EPHA5: variants seen among roughly 807,000 people sequenced by gnomAD.
EPHA5 encodes the protein EPH receptor A5.
In EPHA5, 60 loss-of-function variants were observed where a neutral mutation model predicts 105.0. The ratio of observed to expected loss-of-function variants is 0.57; its 90% confidence interval spans 0.46 to 0.71. The LOEUF is 0.71. Among genes scored for constraint, EPHA5 ranks in the 30% least tolerant of loss-of-function variants. EPHA5 has a pLI of 0.00. For missense variants in EPHA5, 1,218 were observed against 1,274.7 expected (o/e 0.96, Z 0.68); for synonymous variants, 513 against 449.1 (o/e 1.14, Z -1.80).
At position 65,348,082 on chromosome 4, in the gene EPHA5, C is replaced by G. The variant is rs745908821; in HGVS notation, c.2567G>C (p.Arg856Thr). ...TTGATTGGTCATCTCCCAGTAGGGTCTCTCTCCATAAGACACAACTTCCCA... is the reference window on the plus strand; with the variant it reads ...TTGATTGGTCATCTCCCAGTAGGGTGTCTCTCCATAAGACACAACTTCCCA... Reference protein sequence around the residue: ...VMWEVVSYGERPYWEMTNQDV... With the variant: ...VMWEVVSYGETPYWEMTNQDV... The change falls in exon 14 of 17, where the codon AGA (arginine) becomes ACA (threonine). Residue 856 changes from arginine (R) to threonine (T), a missense_variant. Coordinates refer to ENST00000613740, the MANE Select transcript of EPHA5 (RefSeq NM_001281766.3). The G allele has an allele frequency of 1.2e-6, 2 of 1,608,952 alleles. No individual in the cohort carries two copies. Among genetic ancestry groups the G allele is most frequent in the Non-Finnish European group, 1.7e-6 (2 of 1,177,676 alleles).
intron 11 of EPHA5, among the ~76,000 whole-genome samples, chr4:65,356,186 C>A (rs1723280337): frequency 6.6e-6 from 1 of 151,466 alleles, no homozygotes; most frequent in African/African-American, 2.4e-5. Context: ...TCCTGCATTT[C>A]TACTTACAGC....
At chr4:65,598,316 C>A (rs927095319) in intron 3 of EPHA5, among the ~76,000 whole-genome samples, 2 of 152,012 alleles carry the variant, frequency 1.3e-5, no homozygotes, top group African/African-American at 4.8e-5. Flanking sequence ...AAAGACATAT[C>A]CATCAATTTT....
At chr4:65,648,440 C>T (rs1473109166) in intron 1 of EPHA5, among the ~76,000 whole-genome samples, 1 of 152,160 alleles carries the variant, frequency 6.6e-6, no homozygotes, top group African/African-American at 2.4e-5. Flanking sequence ...GTGATCCCAC[C>T]ATATACCATC....
At chr4:65,345,911 T>C (rs1722174296) in intron 14 of EPHA5, among the ~76,000 whole-genome samples, 3 of 152,072 alleles carry the variant, frequency 2.0e-5, no homozygotes, top group Admixed American at 1.3e-4. Context: ...TAGCTGGGAC[T>C]ACAGGCGCCC....
intron 3 of EPHA5, among the ~76,000 whole-genome samples, chr4:65,518,463 TA>T (rs1360942515): frequency 6.6e-6 from 1 of 151,778 alleles, no homozygotes; most frequent in Non-Finnish European, 1.5e-5. Context: ...TATATTTCCA[TA>T]TTCCTGTTTC....
intron 14 of EPHA5, among the ~76,000 whole-genome samples, chr4:65,342,924 A>G (rs1721871713): frequency 6.6e-6 from 1 of 152,036 alleles, no homozygotes; most frequent in Non-Finnish European, 1.5e-5. Context: ...AAGTAGTAAT[A>G]AAACGACTGG....
At chr4:65,468,741 A>G (rs1003203786) in intron 5 of EPHA5, among the ~76,000 whole-genome samples, 3 of 148,400 alleles carry the variant, frequency 2.0e-5, no homozygotes, top group Non-Finnish European at 3.0e-5. Flanking sequence ...AGCAAAGGTT[A>G]TGATTCATGA....
At chr4:65,614,586 C>T (rs1441908100) in intron 2 of EPHA5, among the ~76,000 whole-genome samples, 4 of 151,796 alleles carry the variant, frequency 2.6e-5, no homozygotes, top group South Asian at 2.1e-4. Flanking sequence ...CTGGATATCA[C>T]AAGCTCTTAA....
intron 2 of EPHA5, among the ~76,000 whole-genome samples, chr4:65,635,828 A>T (rs1418980648): frequency 6.6e-6 from 1 of 152,202 alleles, no homozygotes; most frequent in African/African-American, 2.4e-5. Flanking sequence ...AGGAAGCAAA[A>T]ACAAAATACA....
At chr4:65,407,325 CAG>C (rs1722458659) in intron 7 of EPHA5, among the ~76,000 whole-genome samples, 1 of 152,022 alleles carries the variant, frequency 6.6e-6, no homozygotes. Flanking sequence ...AGGGTAAAAA[CAG>C]AGTAACTTCA....
chr4:65,465,152 G>C (rs1307824160), intron 5 of EPHA5, among the ~76,000 whole-genome samples: 1 of 151,964 alleles, frequency 6.6e-6, no homozygotes, highest in African/African-American at 2.4e-5. Context: ...AATTGAGTAA[G>C]AGAAGCCAGG....
At chr4:65,401,458 A>G (rs1399135564) in intron 8 of EPHA5, among the ~76,000 whole-genome samples, 1 of 152,126 alleles carries the variant, frequency 6.6e-6, no homozygotes, top group Admixed American at 6.6e-5. Flanking sequence ...ATGGCCAAAG[A>G]TGTTTCTATC....
intron 3 of EPHA5, among the ~76,000 whole-genome samples, chr4:65,580,712 A>G (rs2149396674): frequency 6.6e-6 from 1 of 151,982 alleles, no homozygotes; most frequent in East Asian, 1.9e-4. Context: ...CTCAAAGAGG[A>G]CAAAAGTTGA....
At chr4:65,580,046 C>G (rs1186134003) in intron 3 of EPHA5, among the ~76,000 whole-genome samples, 2 of 151,740 alleles carry the variant, frequency 1.3e-5, no homozygotes, top group Non-Finnish European at 2.9e-5. Flanking sequence ...GCTGAGCCTG[C>G]TAATAATCCA....
At chr4:65,402,402 G>T (rs1721930992) in intron 8 of EPHA5, among the ~76,000 whole-genome samples, 1 of 152,138 alleles carries the variant, frequency 6.6e-6, no homozygotes, top group Admixed American at 6.6e-5. Flanking sequence ...TAGATTGAAA[G>T]TTCTTTCAAA....
At position 65,323,972 on chromosome 4, in the gene EPHA5, C is replaced by T; in HGVS notation, c.*142G>A. On this transcript the variant is annotated 3_prime_UTR_variant, in exon 17 of 17. Coordinates refer to ENST00000613740, the MANE Select transcript of EPHA5 (RefSeq NM_001281766.3). ...GGATACTTCAGTAAAACCATGATTA[C>T]AAATTCTGTGGCTGAGGCAAATGTT... 1.7e-6 allele frequency: 1 copy of T among 574,666 alleles called. No homozygotes were observed. The highest frequency in any genetic ancestry group is 2.2e-5 in the South Asian group (1 of 45,236). The allele number at this position is 574,666 out of a possible 1,614,324, so 35.6% of individuals were successfully genotyped here.
intron 5 of EPHA5, among the ~76,000 whole-genome samples, chr4:65,443,436 G>A (rs1405934762): frequency 6.6e-6 from 1 of 151,694 alleles, no homozygotes. Context: ...TACCGAATTA[G>A]ATGGAAAGGA....
intron 5 of EPHA5, among the ~76,000 whole-genome samples, chr4:65,425,287 A>T (rs1213819878): frequency 6.6e-6 from 1 of 152,100 alleles, no homozygotes; most frequent in Non-Finnish European, 1.5e-5. Context: ...ATTTGATTCT[A>T]TAGGTTAAAA....
chr4:65,541,836 C>A (rs56296350), intron 3 of EPHA5, among the ~76,000 whole-genome samples: 1 of 151,584 alleles, frequency 6.6e-6, no homozygotes, highest in African/African-American at 2.4e-5. Flanking sequence ...TTGACATTAT[C>A]GGAAGTAAAA....
Sources: gnomAD v4.1 joint callset for allele counts (sites outside exome capture counted in the v4.1 genomes callset) on GRCh38, gnomAD v4.1.1 for gene constraint, MANE v1.5 for transcripts, NCBI Gene and HGNC (gene_info 2026-07-23, HGNC 2026-07-21) for gene names.